The following TMEM131 variants were observed in gnomAD, a reference collection of about 807,000 sequenced individuals.
The protein encoded by TMEM131 is 2610524E03Rik.
Under a neutral mutation model 211.6 loss-of-function variants are expected in TMEM131, and 66 were observed. The observed-to-expected ratio is 0.31, with a 90% CI of 0.26 to 0.38. The LOEUF (loss-of-function observed/expected upper bound fraction) is 0.38, where lower values mean the gene tolerates loss of function less well. Ranked by LOEUF, TMEM131 falls within the 10% of genes least tolerant of loss-of-function variation. TMEM131 has a pLI of 1.00. For missense variants in TMEM131, 2,036 were observed against 2,299.3 expected (o/e 0.89, Z 2.34); for synonymous variants, 844 against 841.3 (o/e 1.00, Z -0.06).
intron 1 of TMEM131, among the ~76,000 whole-genome samples, chr2:97,992,251 C>G (rs886162194): frequency 9.9e-5 from 15 of 152,120 alleles, no homozygotes; most frequent in African/African-American, 3.4e-4. Flanking sequence ...ATTTGGCTAC[C>G]CTTAGAAAAC....
intron 1 of TMEM131, among the ~76,000 whole-genome samples, chr2:97,973,376 C>A (rs1185185592): frequency 6.6e-6 from 1 of 152,182 alleles, no homozygotes; most frequent in Non-Finnish European, 1.5e-5. Flanking sequence ...GGGAAACAAA[C>A]AAGGTAAGCC....
intron 31 of TMEM131, among the ~76,000 whole-genome samples, chr2:97,779,949 G>C (rs940386619): frequency 2.0e-5 from 3 of 152,094 alleles, no homozygotes; most frequent in Admixed American, 6.5e-5. Flanking sequence ...GAGCCCAGGA[G>C]TTTGAGGTTA....
rs972811036 is a variant in TMEM131 at position 97,793,765 on chromosome 2, C to T, written c.3387-212G>A. ...ATCCCAGCACTTTGGGAGGCCGAGG[C>T]GGGTGGATCACGAGGTCAGGAGATC... On this transcript the variant is annotated intron_variant, in intron 29 of 40. Coordinates refer to ENST00000186436, the MANE Select transcript of TMEM131 (RefSeq NM_015348.2). Among the ~76,000 whole-genome samples, 10 of 151,496 alleles carry T rather than the reference C, an allele frequency of 6.6e-5. No homozygotes were observed. The East Asian group carries it at 7.9e-4, about 12-fold the overall frequency.
At chr2:97,842,793 T>C (rs1205157091) in intron 6 of TMEM131, among the ~76,000 whole-genome samples, 2 of 152,228 alleles carry the variant, frequency 1.3e-5, no homozygotes, top group Non-Finnish European at 2.9e-5. Flanking sequence ...AGGTCTGTTG[T>C]GGGATGCCAT....
chr2:97,766,415 G>A, intron 34 of TMEM131, 63 bp downstream of exon 34: 1 of 1,609,736 alleles, frequency 6.2e-7, no homozygotes, highest in Non-Finnish European at 8.5e-7. Flanking sequence ...CACAACAATT[G>A]TTAATACGGT....
intron 1 of TMEM131, among the ~76,000 whole-genome samples, chr2:97,953,669 A>C (rs148198364): frequency 5.0e-4 from 76 of 152,306 alleles, no homozygotes; most frequent in African/African-American, 1.5e-3. Flanking sequence ...GATCTAAAAG[A>C]CATCTCCAGA....
intron 1 of TMEM131, among the ~76,000 whole-genome samples, chr2:97,988,143 A>T (rs1680108691): frequency 1.3e-5 from 2 of 152,232 alleles, no homozygotes; most frequent in African/African-American, 4.8e-5. Flanking sequence ...AAGTGTCCAG[A>T]AATAAACCCT....
chr2:97,841,911 T>C lies in TMEM131; in HGVS notation c.627A>G (p.Pro209=), dbSNP rs369781689. The part of the protein sequence containing the change: ...YQVFGVGVPN[P]YRLRPFLGAR... The stretch of plus-strand genomic sequence containing the variant: ...CCCCAAGGAACGGCCTCAATCGATA[T>C]GGATTTGGAACTCCAACACCAAATA... The change falls in exon 7 of 41, where the codon CCA becomes CCG. Residue 209 remains proline, a synonymous_variant. Transcript: ENST00000186436. The C allele has an allele frequency of 9.5e-6, 15 of 1,586,468 alleles. No individual in the cohort carries two copies. The highest frequency in any genetic ancestry group is 1.8e-5 in the Admixed American group (1 of 56,670).
At chr2:97,924,794 G>A (rs917929554) in intron 2 of TMEM131, among the ~76,000 whole-genome samples, 11 of 152,154 alleles carry the variant, frequency 7.2e-5, no homozygotes, top group African/African-American at 2.7e-4. Context: ...AATAATGGGG[G>A]CTTTGCTCAC....
intron 4 of TMEM131, among the ~76,000 whole-genome samples, chr2:97,869,861 T>C (rs1291517548): frequency 1.3e-5 from 2 of 152,226 alleles, no homozygotes; most frequent in Non-Finnish European, 1.5e-5. Flanking sequence ...TTCATTATCT[T>C]ACAATTCTGT....
At position 97,760,650 on chromosome 2, in the gene TMEM131, C is replaced by A. The variant is rs1678785856; in HGVS notation, c.5051G>T (p.Gly1684Val). Reference protein sequence around the residue: ...GFAKVSSNKTGFSSSLGISHA... With the variant: ...GFAKVSSNKTVFSSSLGISHA... ...TGAAATGCCAAGGCTGCTGGAGAAA[C>A]CTGTTTTGTTTGAAGAAACTTTAGC... Residue 1684 changes from glycine to valine, a missense_variant, in exon 38 of 41, where the codon GGT becomes GTT. Around this residue, in one of 3 missense-constraint regions of TMEM131, gnomAD observed 1,623 missense variants for 1,805.9 expected, o/e 0.90. Transcript: ENST00000186436. The A allele has an allele frequency of 3.7e-6, 6 of 1,613,732 alleles. No individual in the cohort carries two copies. Among genetic ancestry groups the A allele is most frequent in the Non-Finnish European group, 5.1e-6 (6 of 1,179,770 alleles).
chr2:97,836,445 C>T (rs1030525923), intron 8 of TMEM131, among the ~76,000 whole-genome samples: 1 of 152,166 alleles, frequency 6.6e-6, no homozygotes, highest in African/African-American at 2.4e-5. Flanking sequence ...TGCCTTCTCC[C>T]TCTTGAATTA....
At position 97,812,571 on chromosome 2, in the gene TMEM131, T is replaced by C. The variant is rs779533604; in HGVS notation, c.1729-16A>G. The C allele has an allele frequency of 3.1e-6, 5 of 1,596,590 alleles. No homozygotes were observed. Among genetic ancestry groups the C allele is most frequent in the South Asian group, 1.1e-5 (1 of 87,200 alleles). Reference sequence around the variant, plus strand: ...TTATAGCCAACTTTAAAAAAAGATATGAAAATGATTATCACAACACAAGCA... The same window carrying C: ...TTATAGCCAACTTTAAAAAAAGATACGAAAATGATTATCACAACACAAGCA... On this transcript the variant is annotated splice_polypyrimidine_tract_variant and intron_variant, in intron 16 of 40. Coordinates refer to ENST00000186436, the MANE Select transcript of TMEM131 (RefSeq NM_015348.2).
At chr2:97,944,884 C>T (rs13009300) in intron 1 of TMEM131, among the ~76,000 whole-genome samples, 45,396 of 151,938 alleles carry the variant, frequency 0.3, 7,497 homozygotes, top group African/African-American at 0.42. Flanking sequence ...AGCAGCCACA[C>T]TGGAAAACAG....
At chr2:97,978,242 T>G (rs1408492473) in intron 1 of TMEM131, among the ~76,000 whole-genome samples, 1 of 152,226 alleles carries the variant, frequency 6.6e-6, no homozygotes, top group African/African-American at 2.4e-5. Flanking sequence ...TCTCTAACCC[T>G]GCTACTACTT....
At chr2:97,835,922 T>C (rs1360143786) in intron 8 of TMEM131, among the ~76,000 whole-genome samples, 1 of 152,230 alleles carries the variant, frequency 6.6e-6, no homozygotes, top group Admixed American at 6.5e-5. Context: ...CTGTTATCAT[T>C]ATCACTCTTG....
In TMEM131 at chr2:97,792,735, T is replaced by G; in HGVS notation, c.3795A>C (p.Leu1265Phe). 1 of 1,614,056 alleles carries G rather than the reference T, an allele frequency of 6.2e-7. No homozygotes were observed. Among genetic ancestry groups the G allele is most frequent in the South Asian group, 1.1e-5 (1 of 91,086 alleles). ...GACCTTGAGTCACTGTGTTCGAATC[T>G]AAGACAAGGGGGCTTGTTTTGTTAG... ...QSANKTSPLV[L>F]DSNTVTQGHT... is the part of the protein sequence containing the mutation. The change falls in exon 31 of 41, where the codon TTA (leucine) becomes TTC (phenylalanine). Residue 1265 changes from leucine (L) to phenylalanine (F), a missense_variant. By Grantham distance (22) the Leu-to-Phe change is conservative. Around this residue, in one of 3 missense-constraint regions of TMEM131, gnomAD observed 1,623 missense variants for 1,805.9 expected, o/e 0.90. Transcript: ENST00000186436.
intron 1 of TMEM131, among the ~76,000 whole-genome samples, chr2:97,984,229 C>T (rs1679927263): frequency 6.6e-6 from 1 of 152,108 alleles, no homozygotes; most frequent in East Asian, 1.9e-4. Context: ...TTAATAACTG[C>T]TTGTGCTAGT....
chr2:97,793,340 T>C, intron 30 of TMEM131, 55 bp downstream of exon 30: 1 of 1,516,452 alleles, frequency 6.6e-7, no homozygotes, highest in South Asian at 1.3e-5. Flanking sequence ...TTATTGTAAT[T>C]TTATCAGCCA....
Sources: allele counts gnomAD v4.1 joint callset (sites outside exome capture counted in the v4.1 genomes callset), GRCh38; gene constraint gnomAD v4.1.1; regional missense constraint gnomAD v4.1.1; transcripts MANE v1.5; gene names NCBI Gene and HGNC (gene_info 2026-07-23, HGNC 2026-07-21).